Variants in EIF4G3 observed in about 807,000 individuals in gnomAD.
EIF4G3 encodes the protein eIF-4-gamma 3.
A neutral mutation model predicts 186.4 loss-of-function variants in EIF4G3; 34 were observed. That is an observed-to-expected ratio of 0.18 (90% CI 0.14 to 0.24). The LOEUF (loss-of-function observed/expected upper bound fraction) is 0.24, where lower values mean the gene tolerates loss of function less well. Ranked by LOEUF, EIF4G3 falls within the 10% of genes least tolerant of loss-of-function variation. The pLI is 1.00. For missense variants in EIF4G3, 1,536 were observed against 1,948.5 expected (o/e 0.79, Z 3.99); for synonymous variants, 673 against 679.5 (o/e 0.99, Z 0.15).
chr1:20,834,166 C>T (rs1050338481), intron 30 of EIF4G3, among the ~76,000 whole-genome samples: 9 of 152,000 alleles, frequency 5.9e-5, no homozygotes, highest in Admixed American at 1.3e-4. Flanking sequence ...AAATAAGATC[C>T]GGCCAGGCGC....
chr1:21,062,827 A>G (rs1227693857), intron 3 of EIF4G3, among the ~76,000 whole-genome samples: 2 of 152,018 alleles, frequency 1.3e-5, no homozygotes, highest in Non-Finnish European at 2.9e-5. Context: ...CTGACCTCAG[A>G]TGATCTGCCC....
At chr1:21,106,990 CT>C (rs771603899) in intron 2 of EIF4G3, among the ~76,000 whole-genome samples, 4 of 152,132 alleles carry the variant, frequency 2.6e-5, no homozygotes, top group Non-Finnish European at 4.4e-5. Flanking sequence ...ACGTGGGCTA[CT>C]GTACTCTATA....
chr1:21,038,021 T>C (rs2093336260), intron 4 of EIF4G3, among the ~76,000 whole-genome samples: 2 of 152,174 alleles, frequency 1.3e-5, no homozygotes, highest in African/African-American at 4.8e-5. Flanking sequence ...ATCAAACTCT[T>C]TCTCACTTCT....
At chr1:20,853,753 A>G in intron 26 of EIF4G3, 76 bp from the exon 27 acceptor site, 2 of 1,120,852 alleles carry the variant, frequency 1.8e-6, no homozygotes, top group Non-Finnish European at 2.7e-6. Flanking sequence ...CTGCATCCCT[A>G]GGTGAGGCCT....
chr1:20,984,215 G>A (rs567452989), intron 7 of EIF4G3, among the ~76,000 whole-genome samples: 2 of 151,978 alleles, frequency 1.3e-5, no homozygotes, highest in South Asian at 4.2e-4. Flanking sequence ...CGCCCAGGCT[G>A]GAGTGCAGTG....
intron 28 of EIF4G3, among the ~76,000 whole-genome samples, chr1:20,849,988 C>T (rs1252014358): frequency 6.6e-6 from 1 of 152,158 alleles, no homozygotes; most frequent in Non-Finnish European, 1.5e-5. Flanking sequence ...CACACCCATC[C>T]TTGCCTACGA....
chr1:20,853,955 G>A (rs1557929344), intron 26 of EIF4G3, among the ~76,000 whole-genome samples: 4 of 152,216 alleles, frequency 2.6e-5, no homozygotes, highest in Admixed American at 6.5e-5. Context: ...GAAGGCAAGC[G>A]AAAACAGAAC....
chr1:21,011,208 TTA>T (rs1557495153), intron 4 of EIF4G3, among the ~76,000 whole-genome samples: 1 of 133,752 alleles, frequency 7.5e-6, no homozygotes, highest in Non-Finnish European at 1.7e-5. Context: ...AAACTTTTTT[TTA>T]AAAAAAAAAA....
intron 2 of EIF4G3, among the ~76,000 whole-genome samples, chr1:21,131,239 CAAA>C (rs33913086): frequency 1.1e-4 from 12 of 114,132 alleles, no homozygotes; most frequent in Admixed American, 1.9e-4. Context: ...GATTCTGCCT[CAAA>C]AAAAAAAAAA....
intron 4 of EIF4G3, among the ~76,000 whole-genome samples, chr1:21,039,452 A>T (rs2093431460): frequency 6.6e-6 from 1 of 152,238 alleles, no homozygotes; most frequent in African/African-American, 2.4e-5. Context: ...GTTTTCTTAG[A>T]TATGACACCA....
At chr1:20,923,566 T>TA (rs1339008274) in intron 14 of EIF4G3, among the ~76,000 whole-genome samples, 1 of 152,064 alleles carries the variant, frequency 6.6e-6, no homozygotes, top group African/African-American at 2.4e-5. Context: ...CAGTTACCCT[T>TA]ACACCTACTC....
intron 23 of EIF4G3, 39 bp from the exon 24 acceptor site, chr1:20,860,556 T>C: frequency 6.3e-7 from 1 of 1,582,264 alleles, no homozygotes; most frequent in Non-Finnish European, 8.6e-7. Context: ...CCAGATAAAC[T>C]GAACATTTTT....
At chr1:20,981,773 A>G (rs2078329124) in intron 8 of EIF4G3, among the ~76,000 whole-genome samples, 1 of 151,694 alleles carries the variant, frequency 6.6e-6, no homozygotes, top group South Asian at 2.1e-4. Flanking sequence ...CACATACTGT[A>G]TATATACATA....
At chr1:20,981,574 ACATACTGTATGTATACATACATGTATACG>A (rs2078063204) in intron 8 of EIF4G3, among the ~76,000 whole-genome samples, 1 of 141,144 alleles carries the variant, frequency 7.1e-6, no homozygotes, top group African/African-American at 2.6e-5. Context: ...ATGTATACGC[ACATACTGTATGTATACATACATGTATACG>A]CACATACTGT....
intron 4 of EIF4G3, among the ~76,000 whole-genome samples, chr1:21,047,799 A>C (rs529720829): frequency 1.3e-5 from 2 of 152,326 alleles, no homozygotes; most frequent in Admixed American, 1.3e-4. Context: ...TGAAACCTAA[A>C]AAAAACTTGA....
chr1:20,876,222 C>CA (rs34150070), intron 20 of EIF4G3, among the ~76,000 whole-genome samples: 881 of 13,978 alleles, frequency 0.063, 193 homozygotes, highest in East Asian at 0.18. Flanking sequence ...GAGCCTGTCT[C>CA]AAAAAAAAAA....
intron 3 of EIF4G3, among the ~76,000 whole-genome samples, chr1:21,079,915 G>A (rs1322523600): frequency 1.3e-5 from 2 of 151,802 alleles, no homozygotes; most frequent in African/African-American, 4.8e-5. Flanking sequence ...ACTTTGGGAG[G>A]CCGAGGCAGG....
At chr1:21,069,741 A>C (rs2095384019) in intron 3 of EIF4G3, among the ~76,000 whole-genome samples, 1 of 152,180 alleles carries the variant, frequency 6.6e-6, no homozygotes, top group South Asian at 2.1e-4. Context: ...AAAAAGACTG[A>C]GTCTAACTCG....
chr1:20,878,282 TC>T (rs2081407273), intron 20 of EIF4G3, among the ~76,000 whole-genome samples: 2 of 152,202 alleles, frequency 1.3e-5, no homozygotes, highest in Admixed American at 1.3e-4. Context: ...AAATGTGTAT[TC>T]CCCATTGTGT....
Sources: gnomAD v4.1 joint callset for allele counts (sites outside exome capture counted in the v4.1 genomes callset) on GRCh38, gnomAD v4.1.1 for gene constraint, MANE v1.5 for transcripts, NCBI Gene and HGNC (gene_info 2026-07-23, HGNC 2026-07-21) for gene names.